USH2A: variants seen among roughly 807,000 people sequenced by gnomAD.
USH2A encodes usherin.
USH2A carries 443 observed loss-of-function variants against 538.9 expected under a neutral mutation model. The observed-to-expected ratio is 0.82, with a 90% CI of 0.76 to 0.89. The LOEUF is 0.89. USH2A is among the 40% of genes least tolerant of loss of function. The pLI is 0.00. For synonymous variants in USH2A, 2,413 were observed against 2,273.5 expected (o/e 1.06, Z -1.75); for missense variants, 6,633 against 6,324.8 (o/e 1.05, Z -1.65).
At chr1:216,050,604 C>CTTTCTTT (rs1195871302) in intron 30 of USH2A, among the ~76,000 whole-genome samples, 3 of 68,560 alleles carry the variant, frequency 4.4e-5, no homozygotes, top group African/African-American at 1.1e-4. Flanking sequence ...TTCTTTCTTT[C>CTTTCTTT]TTTTTTTTTT....
intron 37 of USH2A, among the ~76,000 whole-genome samples, chr1:215,957,174 C>A (rs1191968216): frequency 6.6e-6 from 1 of 152,122 alleles, no homozygotes; most frequent in Non-Finnish European, 1.5e-5. Context: ...GAGTAATTTT[C>A]TCTATTTCCC....
chr1:215,958,256 G>C (rs560704679), intron 37 of USH2A, among the ~76,000 whole-genome samples: 7 of 152,126 alleles, frequency 4.6e-5, no homozygotes, highest in Admixed American at 3.9e-4. Context: ...AAAATCAACT[G>C]CATTTCTTTG....
chr1:216,185,905 T>C (rs762319453), intron 20 of USH2A, among the ~76,000 whole-genome samples: 1 of 151,824 alleles, frequency 6.6e-6, no homozygotes, highest in Non-Finnish European at 1.5e-5. Context: ...GGTATTCAAA[T>C]AAAAGCAAAT....
At chr1:216,076,348 A>T (rs931700063) in intron 27 of USH2A, among the ~76,000 whole-genome samples, 8 of 152,194 alleles carry the variant, frequency 5.3e-5, no homozygotes, top group African/African-American at 1.9e-4. Flanking sequence ...TCACAGACTT[A>T]GTCATAGTGT....
intron 9 of USH2A, among the ~76,000 whole-genome samples, chr1:216,308,875 GA>G (rs1358329230): frequency 2.0e-5 from 3 of 152,088 alleles, no homozygotes; most frequent in African/African-American, 7.2e-5. Context: ...TTTCAAACTT[GA>G]AGTGTGCTTG....
At chr1:215,922,344 GGTTATCTTTGGTATCT>G (rs750096868) in intron 38 of USH2A, among the ~76,000 whole-genome samples, 7 of 152,058 alleles carry the variant, frequency 4.6e-5, no homozygotes, top group Non-Finnish European at 7.4e-5. Context: ...ATCTGGAATT[GGTTATCTTTGGTATCT>G]GTTCCTGGCC....
chr1:216,101,766 C>T (rs1435399292), intron 21 of USH2A, among the ~76,000 whole-genome samples: 1 of 152,122 alleles, frequency 6.6e-6, no homozygotes, highest in Non-Finnish European at 1.5e-5. Context: ...AGTGTTTAAA[C>T]AATAGAGCAT....
chr1:215,826,183 A>G (rs2102804827), intron 47 of USH2A, among the ~76,000 whole-genome samples: 1 of 152,296 alleles, frequency 6.6e-6, no homozygotes, highest in East Asian at 1.9e-4. Context: ...GCTAGGTTTG[A>G]GCTAACTTGA....
At chr1:215,721,326 C>T (rs190798399) in intron 61 of USH2A, among the ~76,000 whole-genome samples, 4 of 152,176 alleles carry the variant, frequency 2.6e-5, no homozygotes, top group Admixed American at 6.5e-5. Context: ...CCACCCACCT[C>T]GGCCTCCCAA....
intron 38 of USH2A, among the ~76,000 whole-genome samples, chr1:215,904,422 C>T (rs11120694): frequency 0.5 from 75,185 of 151,816 alleles, 19,193 homozygotes; most frequent in East Asian, 0.68. Context: ...GAATGGTCAT[C>T]TTAAATTATT....
intron 24 of USH2A, 34 bp downstream of exon 24, chr1:216,086,685 G>A (rs761667578): frequency 2.7e-6 from 4 of 1,454,760 alleles, no homozygotes; most frequent in Non-Finnish European, 3.9e-6. Context: ...TCTAAGTTTG[G>A]ATGACAACAT....
At chr1:215,836,323 T>A (rs1160174117) in intron 47 of USH2A, among the ~76,000 whole-genome samples, 1 of 148,656 alleles carries the variant, frequency 6.7e-6, no homozygotes, top group Admixed American at 6.9e-5. Flanking sequence ...CTAAACCTCT[T>A]ATTATAGTGT....
chr1:215,626,855 G>A (rs1436923653), intron 71 of USH2A, among the ~76,000 whole-genome samples: 1 of 152,158 alleles, frequency 6.6e-6, no homozygotes, highest in Non-Finnish European at 1.5e-5. Context: ...AAGATTAGAT[G>A]TAATAATTCA....
chr1:216,146,513 C>T (rs1410555329), intron 21 of USH2A, among the ~76,000 whole-genome samples: 3 of 152,196 alleles, frequency 2.0e-5, no homozygotes, highest in African/African-American at 4.8e-5. Context: ...CGCCAAGTCC[C>T]GCTTTCCTGG....
chr1:215,918,820 G>C (rs1666026286), intron 38 of USH2A, among the ~76,000 whole-genome samples: 2 of 152,056 alleles, frequency 1.3e-5, no homozygotes, highest in African/African-American at 2.4e-5. Context: ...AAGAAAATTT[G>C]TAATCAGGCT....
chr1:215,781,894 C>T (rs1661653125), intron 54 of USH2A, 148 bp downstream of exon 54: 1 of 944,012 alleles, frequency 1.1e-6, no homozygotes, highest in Admixed American at 1.9e-5. Context: ...TATTAGCACT[C>T]AGTTAACGTG....
intron 40 of USH2A, among the ~76,000 whole-genome samples, chr1:215,896,679 A>G (rs1665351874): frequency 6.6e-6 from 1 of 152,182 alleles, no homozygotes; most frequent in Non-Finnish European, 1.5e-5. Flanking sequence ...GAACAATCAT[A>G]TAATCAGGAG....
intron 30 of USH2A, among the ~76,000 whole-genome samples, chr1:216,066,115 A>G (rs2031353008): frequency 6.6e-6 from 1 of 152,050 alleles, no homozygotes; most frequent in Non-Finnish European, 1.5e-5. Context: ...AATGAAATGC[A>G]CAATCTTGCA....
At position 216,199,807 on chromosome 1, in the gene USH2A, C is replaced by A. The variant is rs778673633; in HGVS notation, c.3631G>T (p.Val1211Phe). ...HETSATIWNL[V>F]PFAKYDFSVQ... The stretch of plus-strand genomic sequence containing the variant: ...GAAAAATCGTACTTGGCAAATGGAA[C>A]CAGATTCCAGATGGTAGCTGAGGTT... The change falls in exon 17 of 72, where the codon GTT becomes TTT. Residue 1211 changes from valine (V) to phenylalanine (F), a missense_variant. Coordinates refer to ENST00000307340, the MANE Select transcript of USH2A (RefSeq NM_206933.4). 1.2e-6 allele frequency: 2 copies of A among 1,614,116 alleles called. No individual in the cohort carries two copies. Among genetic ancestry groups the A allele is most frequent in the South Asian group, 1.1e-5 (1 of 91,088 alleles).
Sources: gnomAD v4.1 joint callset for allele counts (sites outside exome capture counted in the v4.1 genomes callset) on GRCh38, gnomAD v4.1.1 for gene constraint, MANE v1.5 for transcripts, NCBI Gene and HGNC (gene_info 2026-07-23, HGNC 2026-07-21) for gene names.